The following MEI1 variants were observed in gnomAD, a reference collection of about 807,000 sequenced individuals.
MEI1 encodes the protein meiosis inhibitor protein 1.
A neutral mutation model predicts 146.2 loss-of-function variants in MEI1; 103 were observed. That is an observed-to-expected ratio of 0.70 (90% CI 0.60 to 0.83). The LOEUF is 0.83. MEI1 is among the 40% of genes least tolerant of loss of function. The probability of loss-of-function intolerance (pLI) is 0.00; values close to 1 mark genes in which losing one functional copy is unlikely to be tolerated. For missense variants in MEI1, 1,529 were observed against 1,533.0 expected (o/e 1.00, Z 0.04); for synonymous variants, 652 against 628.2 (o/e 1.04, Z -0.57).
chr22:41,763,220 CTG>C lies in MEI1; in HGVS notation c.2169_2170del (p.Ser724AlafsTer32). 1 of 1,613,964 alleles carries C rather than the reference CTG, an allele frequency of 6.2e-7. No homozygotes were observed. Among genetic ancestry groups the C allele is most frequent in the Non-Finnish European group, 8.5e-7 (1 of 1,179,836 alleles). On this transcript the variant is annotated frameshift_variant, in exon 19 of 31. Transcript: ENST00000401548. LOFTEE classifies it high-confidence loss of function. ...ATTTGAGGCTGTGCAAAGCTTCCTC[CTG>C]TCGCTGCAGGACCAGGGCGAGCGCC... is the stretch of plus-strand genomic sequence containing the variant. ...ELFEAVQSFL[L>X]SLQDQGERPP...
At chr22:41,760,017 T>C (rs574391186) in intron 18 of MEI1, among the ~76,000 whole-genome samples, 1 of 150,936 alleles carries the variant, frequency 6.6e-6, no homozygotes, top group East Asian at 2.0e-4. Context: ...CTACTAAAAA[T>C]ACAAAAATCA....
At chr22:41,791,789 C>G (rs1369032317) in intron 26 of MEI1, among the ~76,000 whole-genome samples, 1 of 152,146 alleles carries the variant, frequency 6.6e-6, no homozygotes, top group East Asian at 1.9e-4. Flanking sequence ...TATATCCATA[C>G]AATGAAATAC....
chr22:41,798,112 G>T (rs1011723162), intron 30 of MEI1, among the ~76,000 whole-genome samples: 4 of 135,982 alleles, frequency 2.9e-5, no homozygotes, highest in Non-Finnish European at 4.7e-5. Context: ...GTGATCCTCA[G>T]CCCAACACAC....
At chr22:41,729,632 G>A in intron 7 of MEI1, 33 bp from the exon 8 acceptor site, 1 of 1,431,632 alleles carries the variant, frequency 7.0e-7, no homozygotes, top group East Asian at 2.3e-5. Context: ...TTCGTGGTGT[G>A]ACTGGGGTAC....
In MEI1 at chr22:41,730,649, G is replaced by A. The variant is rs376561902; in HGVS notation, c.1096+12G>A. 3.8e-6 allele frequency: 6 copies of A among 1,581,886 alleles called. No homozygotes were observed. The highest frequency in any genetic ancestry group is 1.7e-4 in the Middle Eastern group (1 of 6,022). On this transcript the variant is annotated intron_variant, in intron 9 of 30. Transcript: ENST00000401548. ...CCACACGGTGTATGGTTGGTAGTAA[G>A]GGTCCTGTACTAGCTTTGGGTTGGG...
At chr22:41,738,092 A>G (rs1273771639) in intron 11 of MEI1, among the ~76,000 whole-genome samples, 1 of 152,058 alleles carries the variant, frequency 6.6e-6, no homozygotes, top group African/African-American at 2.4e-5. Flanking sequence ...AGGTAGGAGG[A>G]TCGCTTGAGG....
intron 22 of MEI1, 26 bp downstream of exon 22, chr22:41,778,838 C>A: frequency 6.4e-7 from 1 of 1,553,776 alleles, no homozygotes; most frequent in East Asian, 2.3e-5. Flanking sequence ...GGGATAGCGC[C>A]CAAGGGCCCA....
Position 41,758,422 on chromosome 22 carries a change from G to T in MEI1, c.2009G>T (p.Ser670Ile), listed in dbSNP as rs927105501. The change falls in exon 18 of 31, where the codon AGC (serine) becomes ATC (isoleucine). Residue 670 changes from serine (S) to isoleucine (I), a missense_variant. Ser to Ile is a moderately radical substitution (Grantham distance 142). Around this residue, in one of 3 missense-constraint regions of MEI1, gnomAD observed 1,212 missense variants for 1,178.9 expected, o/e 1.03. Coordinates refer to ENST00000401548, the MANE Select transcript of MEI1 (RefSeq NM_152513.4). ...QHGLPQISSR[S>I]PESLAFLSDR... Reference sequence around the variant, plus strand: ...GGGCTGCCCCAGATAAGCAGCAGGAGCCCTGAAAGCCTTGCCTTCCTGTCT... The same window carrying T: ...GGGCTGCCCCAGATAAGCAGCAGGATCCCTGAAAGCCTTGCCTTCCTGTCT... The T allele has an allele frequency of 5.6e-6, 9 of 1,613,900 alleles. No homozygotes were observed. Among genetic ancestry groups the T allele is most frequent in the Non-Finnish European group, 7.6e-6 (9 of 1,179,864 alleles).
chr22:41,723,041 C>T (rs1247029727), intron 6 of MEI1, among the ~76,000 whole-genome samples: 3 of 152,154 alleles, frequency 2.0e-5, no homozygotes, highest in African/African-American at 7.2e-5. Context: ...GAATACTTCT[C>T]CCCACTTCAC....
At chr22:41,740,665 G>A (rs2072781006) in intron 11 of MEI1, among the ~76,000 whole-genome samples, 1 of 152,102 alleles carries the variant, frequency 6.6e-6, no homozygotes, top group Non-Finnish European at 1.5e-5. Flanking sequence ...AGGAGATTGA[G>A]GCTGCTGTGA....
chr22:41,743,013 G>T, intron 11 of MEI1, 67 bp from the exon 12 acceptor site: 1 of 1,126,950 alleles, frequency 8.9e-7, no homozygotes, highest in Non-Finnish European at 1.3e-6. Context: ...CATTGCCTGA[G>T]AACCTGGGGT....
chr22:41,701,468 G>C (rs1311952663), intron 1 of MEI1, among the ~76,000 whole-genome samples: 1 of 152,046 alleles, frequency 6.6e-6, no homozygotes, highest in Admixed American at 6.6e-5. Context: ...AAAAAAAAAT[G>C]AGGAAGACTA....
At position 41,795,638 on chromosome 22, in the gene MEI1, G is replaced by A; in HGVS notation, c.3666+96G>A. On this transcript the variant is annotated intron_variant, in intron 29 of 30. Coordinates refer to ENST00000401548, the MANE Select transcript of MEI1 (RefSeq NM_152513.4). The surrounding 1 kb of genome is among the most constrained non-coding windows in gnomAD (Gnocchi z 4.2). ...GGGAGCTCTGGCCACAGCAACCAAG[G>A]AATGGGAGGAGGGAAGTACAGAGGA... The A allele has an allele frequency of 6.3e-7, 1 of 1,592,784 alleles. No homozygotes were observed. Among genetic ancestry groups the A allele is most frequent in the Non-Finnish European group, 8.6e-7 (1 of 1,166,854 alleles).
intron 2 of MEI1, among the ~76,000 whole-genome samples, chr22:41,703,838 T>G (rs891166682): frequency 2.6e-5 from 4 of 152,034 alleles, no homozygotes; most frequent in African/African-American, 9.7e-5. Flanking sequence ...TAACAAAAAT[T>G]AGCTCAGTGT....
Position 41,700,749 on chromosome 22 carries a change from A to ATTT in MEI1, c.174+1061_174+1063dup, listed in dbSNP as rs78862314. ...GGATTGGCTAGATCAGCAGTTCTCAATTTTTTTTTTTTTTTTTTTTTTTTT... is the reference window on the plus strand; with the variant it reads ...GGATTGGCTAGATCAGCAGTTCTCAATTTTTTTTTTTTTTTTTTTTTTTTTTTT... On this transcript the variant is annotated intron_variant, in intron 1 of 30. Coordinates refer to ENST00000401548, the MANE Select transcript of MEI1 (RefSeq NM_152513.4). Among the ~76,000 whole-genome samples the ATTT allele has an allele frequency of 6.0e-3, 708 of 117,586 alleles. 66 individuals carry two copies. Among genetic ancestry groups the ATTT allele is most frequent in the African/African-American group, 0.025 (659 of 26,252 alleles). The allele number at this position is 117,586 out of a possible 152,430, so 77.1% of individuals were successfully genotyped here. A position where few individuals can be genotyped will look rare whatever the true frequency, so the allele number is the denominator to read the frequency against.
chr22:41,761,309 T>G (rs1306317805), intron 18 of MEI1, among the ~76,000 whole-genome samples: 2 of 121,824 alleles, frequency 1.6e-5, no homozygotes, highest in Admixed American at 1.6e-4. Flanking sequence ...AGACTCAGTG[T>G]TTTTTTTTTG....
Position 41,758,398 on chromosome 22 carries a change from G to C in MEI1, c.1985G>C (p.Gly662Ala). Residue 662 changes from glycine to alanine, a missense_variant, in exon 18 of 31, where the codon GGG becomes GCG. Around this residue, in one of 3 missense-constraint regions of MEI1, gnomAD observed 1,212 missense variants for 1,178.9 expected, o/e 1.03. Coordinates refer to ENST00000401548, the MANE Select transcript of MEI1 (RefSeq NM_152513.4). ...GCAGTGTCTGAGCTCCTGCAGCATG[G>C]GCTGCCCCAGATAAGCAGCAGGAGC... is the stretch of plus-strand genomic sequence containing the variant. ...LSAVSELLQH[G>A]LPQISSRSPE... 6.2e-7 allele frequency: 1 copy of C among 1,613,710 alleles called. No homozygotes were observed. Among genetic ancestry groups the C allele is most frequent in the South Asian group, 1.1e-5 (1 of 91,074 alleles).
At position 41,795,491 on chromosome 22, in the gene MEI1, G is replaced by A; in HGVS notation, c.3615G>A (p.Leu1205=). The change falls in exon 29 of 31, where the codon CTG becomes CTA. Residue 1205 remains leucine, a synonymous_variant. Coordinates refer to ENST00000401548, the MANE Select transcript of MEI1 (RefSeq NM_152513.4). This position sits in a 1 kb window ranked among gnomAD's most constrained non-coding sequence, Gnocchi z 4.2. ...DVLQGVALAD[L]STLSNTTLQA... is the part of the protein sequence containing the mutation. ...TGCAAGGTGTGGCTTTGGCTGACCTGTCTACCCTCTCGAACACCACACTCC... is the reference window on the plus strand; with the variant it reads ...TGCAAGGTGTGGCTTTGGCTGACCTATCTACCCTCTCGAACACCACACTCC... 6.2e-7 allele frequency: 1 copy of A among 1,613,668 alleles called. No individual in the cohort carries two copies. The highest frequency in any genetic ancestry group is 8.5e-7 in the Non-Finnish European group (1 of 1,179,838).
At position 41,795,294 on chromosome 22, in the gene MEI1, G is replaced by A. The variant is rs1269287457; in HGVS notation, c.3535-117G>A. 2 of 1,400,658 alleles carry A rather than the reference G, an allele frequency of 1.4e-6. No individual in the cohort carries two copies. The highest frequency in any genetic ancestry group is 1.4e-5 in the African/African-American group (1 of 69,870). The allele number at this position is 1,400,658 out of a possible 1,614,324, so 86.8% of individuals were successfully genotyped here. ...CCCACTAACTCTGAGCTCCTTGAAG[G>A]CAGGCAGGTTCTGTGGGCTTCAGGA... is the stretch of plus-strand genomic sequence containing the variant. On this transcript the variant is annotated intron_variant, in intron 28 of 30. Transcript: ENST00000401548. This position sits in a 1 kb window ranked among gnomAD's most constrained non-coding sequence, Gnocchi z 4.2.
Sources: gnomAD v4.1 joint callset for allele counts (sites outside exome capture counted in the v4.1 genomes callset) on GRCh38, gnomAD v4.1.1 for gene constraint, gnomAD v4.1.1 regional missense constraint, Gnocchi (gnomAD v3.1) non-coding constraint, MANE v1.5 for transcripts, NCBI Gene and HGNC (gene_info 2026-07-23, HGNC 2026-07-21) for gene names.